The following IGSF21 variants were observed in gnomAD, a reference collection of about 807,000 sequenced individuals.
The protein encoded by IGSF21 is immunoglobulin superfamily member 21.
IGSF21 carries 28 observed loss-of-function variants against 46.8 expected under a neutral mutation model. The ratio of observed to expected loss-of-function variants is 0.60; its 90% CI spans 0.44 to 0.82. IGSF21 has a LOEUF of 0.82. Among genes scored for constraint, IGSF21 ranks in the 40% least tolerant of loss-of-function variants. The pLI, the probability that IGSF21 is intolerant of heterozygous loss-of-function variation, is 0.00. For missense variants in IGSF21, 624 were observed against 665.5 expected, an observed-to-expected ratio of 0.94 and a Z score of 0.69; for synonymous variants, 284 against 273.6, an observed-to-expected ratio of 1.04 and a Z score of -0.38.
chr1:18,341,012 C>CTCTTCTTCTTCTTCTTCTTCT (rs10536109), intron 4 of IGSF21, among the ~76,000 whole-genome samples: 24 of 85,084 alleles, frequency 2.8e-4, no homozygotes, highest in South Asian at 6.2e-4. Context: ...CCTCCTTCTT[C>CTCTTCTTCTTCTTCTTCTTCT]TCTTCTTCTT....
chr1:18,173,330 G>A (rs2086759809), intron 1 of IGSF21, among the ~76,000 whole-genome samples: 1 of 152,116 alleles, frequency 6.6e-6, no homozygotes, highest in African/African-American at 2.4e-5. Flanking sequence ...TTTAATTGAG[G>A]TATAATTTAC....
intron 2 of IGSF21, among the ~76,000 whole-genome samples, chr1:18,281,645 T>C (rs1349880075): frequency 6.6e-6 from 1 of 150,644 alleles, no homozygotes; most frequent in Admixed American, 6.6e-5. Context: ...CTCAGCCCAC[T>C]CCTTCCAGAA....
chr1:18,172,337 C>T (rs551823460), intron 1 of IGSF21, among the ~76,000 whole-genome samples: 25 of 152,296 alleles, frequency 1.6e-4, no homozygotes, highest in African/African-American at 4.6e-4. Flanking sequence ...CTTCTTGTTA[C>T]GCTCACACTA....
intron 1 of IGSF21, among the ~76,000 whole-genome samples, chr1:18,159,425 G>T (rs1377320463): frequency 6.6e-6 from 1 of 152,192 alleles, no homozygotes; most frequent in Non-Finnish European, 1.5e-5. Flanking sequence ...ATCTCATCTT[G>T]AATTGTAGCT....
At chr1:18,277,569 T>C (rs1284528445) in intron 2 of IGSF21, among the ~76,000 whole-genome samples, 1 of 152,186 alleles carries the variant, frequency 6.6e-6, no homozygotes, top group African/African-American at 2.4e-5. Flanking sequence ...AAAGAAAACT[T>C]GTGCAAGAAT....
intron 2 of IGSF21, among the ~76,000 whole-genome samples, chr1:18,256,365 G>A (rs1452181268): frequency 1.3e-5 from 2 of 152,168 alleles, no homozygotes; most frequent in East Asian, 3.9e-4. Context: ...TTAATTGTTT[G>A]CTTTCACTGC....
intron 2 of IGSF21, among the ~76,000 whole-genome samples, chr1:18,240,643 T>C (rs1224746206): frequency 6.6e-6 from 1 of 152,224 alleles, no homozygotes; most frequent in Non-Finnish European, 1.5e-5. Flanking sequence ...GGATATCTTA[T>C]GTGGCCCTGA....
At chr1:18,247,855 C>T (rs1207406798) in intron 2 of IGSF21, among the ~76,000 whole-genome samples, 2 of 152,142 alleles carry the variant, frequency 1.3e-5, no homozygotes, top group African/African-American at 4.8e-5. Flanking sequence ...GCTCAAGATC[C>T]CACAGGATTT....
At chr1:18,176,144 G>T (rs1260735644) in intron 1 of IGSF21, 1 of 152,220 alleles carries the variant, frequency 6.6e-6, no homozygotes, top group Non-Finnish European at 1.5e-5. Flanking sequence ...TTGGGAATCA[G>T]GCTTCCTGCT....
intron 3 of IGSF21, among the ~76,000 whole-genome samples, chr1:18,317,335 C>A (rs1157927794): frequency 6.6e-6 from 1 of 152,166 alleles, no homozygotes; most frequent in Non-Finnish European, 1.5e-5. Context: ...CTGAACTTTA[C>A]AGATTAAGAG....
chr1:18,249,987 C>T (rs1036353071), intron 2 of IGSF21, among the ~76,000 whole-genome samples: 2 of 151,968 alleles, frequency 1.3e-5, no homozygotes, highest in South Asian at 2.1e-4. Flanking sequence ...GGTGTGGACA[C>T]GGAGGAGGCA....
At chr1:18,142,768 A>G (rs897068320) in intron 1 of IGSF21, among the ~76,000 whole-genome samples, 5 of 152,246 alleles carry the variant, frequency 3.3e-5, no homozygotes, top group African/African-American at 1.2e-4. Flanking sequence ...CAGATGGGTC[A>G]GTTCAGGCCT....
chr1:18,168,850 A>G (rs1269809910), intron 1 of IGSF21, among the ~76,000 whole-genome samples: 1 of 152,188 alleles, frequency 6.6e-6, no homozygotes, highest in Non-Finnish European at 1.5e-5. Context: ...AACCCTGCCT[A>G]TGGCCCTTGC....
At chr1:18,338,340 C>T (rs2085793065) in intron 4 of IGSF21, among the ~76,000 whole-genome samples, 1 of 152,208 alleles carries the variant, frequency 6.6e-6, no homozygotes, top group Non-Finnish European at 1.5e-5. Flanking sequence ...TCATCTGTGG[C>T]ATTGCATTCA....
chr1:18,161,490 T>C (rs1261159878), intron 1 of IGSF21, among the ~76,000 whole-genome samples: 1 of 152,000 alleles, frequency 6.6e-6, no homozygotes, highest in East Asian at 1.9e-4. Context: ...CTTATTTACC[T>C]TCCCCCCAGC....
At position 18,200,631 on chromosome 1, in the gene IGSF21, G is replaced by A. The variant is rs186156663; in HGVS notation, c.71-27267G>A. ...CTTATAAGAACATTATATTCAATTC[G>A]GGCCCTTCTTCATCTTAACTTGATT... On this transcript the variant is annotated intron_variant, in intron 1 of 9. Coordinates refer to ENST00000251296, the MANE Select transcript of IGSF21 (RefSeq NM_032880.5). Among the ~76,000 whole-genome samples the A allele has an allele frequency of 3.9e-5, 6 of 152,150 alleles. No homozygotes were observed. The East Asian group carries it at 5.8e-4, about 15-fold the overall frequency.
At chr1:18,305,469 AGATG>A (rs1216465893) in intron 3 of IGSF21, among the ~76,000 whole-genome samples, 12 of 131,164 alleles carry the variant, frequency 9.1e-5, no homozygotes, top group African/African-American at 2.1e-4. Context: ...CATGGATGAC[AGATG>A]GATGGATGGA....
chr1:18,239,466 G>A (rs748318636), intron 2 of IGSF21, among the ~76,000 whole-genome samples: 17 of 151,972 alleles, frequency 1.1e-4, no homozygotes, highest in African/African-American at 3.6e-4. Context: ...CCCACACTTC[G>A]CAAGAGCTTC....
chr1:18,378,143 C>T, intron 9 of IGSF21, 113 bp from the exon 10 acceptor site: 8 of 835,836 alleles, frequency 9.6e-6, no homozygotes, highest in Non-Finnish European at 1.6e-5. Context: ...GCTTCGAACC[C>T]AGTTTGTCCT....
Sources: allele counts gnomAD v4.1 joint callset (sites outside exome capture counted in the v4.1 genomes callset), GRCh38; gene constraint gnomAD v4.1.1; transcripts MANE v1.5; gene names NCBI Gene and HGNC (gene_info 2026-07-23, HGNC 2026-07-21).